PPP2R1B: variants seen among roughly 807,000 people sequenced by gnomAD.
The protein encoded by PPP2R1B is protein phosphatase 2 scaffold subunit Abeta.
PPP2R1B carries 58 observed loss-of-function variants against 72.7 expected under a neutral mutation model. That is an observed-to-expected ratio of 0.80 (90% CI 0.65 to 0.99). The LOEUF (loss-of-function observed/expected upper bound fraction) is 0.99. Among genes scored for constraint, PPP2R1B ranks in the 50% least tolerant of loss-of-function variants. PPP2R1B has a pLI of 0.00. For synonymous variants in PPP2R1B, 256 were observed against 264.6 expected (o/e 0.97, Z 0.32); for missense variants, 695 against 733.6 (o/e 0.95, Z 0.61).
chr11:111,758,774 A>G (rs1412588475), intron 5 of PPP2R1B, among the ~76,000 whole-genome samples: 1 of 152,180 alleles, frequency 6.6e-6, no homozygotes, highest in African/African-American at 2.4e-5. Flanking sequence ...GTCTCCTATC[A>G]TAGGTGATCG....
downstream of PPP2R1B, chr11:111,725,728 T>C (rs1943944286): frequency 6.6e-6 from 1 of 152,610 alleles, no homozygotes; most frequent in Non-Finnish European, 1.5e-5. Context: ...GCAGGTGACG[T>C]GTGGAAAGTC....
the PPP2R1B span, among the ~76,000 whole-genome samples, chr11:111,716,394 TG>T: frequency 6.7e-6 from 1 of 149,716 alleles, no homozygotes; most frequent in Admixed American, 6.7e-5. Flanking sequence ...CTGGCCAACA[TG>T]GCAAAACCCC....
intron 10 of PPP2R1B, among the ~76,000 whole-genome samples, chr11:111,750,890 G>C (rs1279836772): frequency 6.6e-6 from 1 of 151,342 alleles, no homozygotes; most frequent in African/African-American, 2.4e-5. Context: ...CCAGGCTGCA[G>C]TGCAGTAGTG....
intron 2 of PPP2R1B, 41 bp downstream of exon 2, chr11:111,765,253 A>G (rs782769074): frequency 2.4e-5 from 37 of 1,541,202 alleles, no homozygotes; most frequent in Non-Finnish European, 2.8e-5. Flanking sequence ...CTACTGGAAA[A>G]TGGAATGTCC....
downstream of PPP2R1B, chr11:111,737,314 G>A (rs1378332185): frequency 4.5e-6 from 6 of 1,328,846 alleles, no homozygotes; most frequent in African/African-American, 8.8e-5. Context: ...CCTTAAAATT[G>A]GACTCTTCCC....
the PPP2R1B span, chr11:111,700,932 A>G: frequency 2.5e-6 from 4 of 1,614,080 alleles, no homozygotes; most frequent in African/African-American, 1.3e-5. Flanking sequence ...TGCTGGCAAC[A>G]TGGTGTGGCA....
chr11:111,740,571 A>C lies in PPP2R1B; in HGVS notation c.*1025T>G. 1 of 984,604 alleles carries C rather than the reference A, an allele frequency of 1.0e-6. No individual in the cohort carries two copies. 61.0% of individuals were successfully genotyped at this position (984,604 alleles called of 1,614,324 possible). ...CTCTTCAGCTTAACTCATTATCTTA[A>C]ATTTCAGAATTAATGAGGTTTTACT... On this transcript the variant is annotated 3_prime_UTR_variant, in exon 15 of 15. Transcript: ENST00000527614.
chr11:111,719,134 T>C, the PPP2R1B span, among the ~76,000 whole-genome samples: 1 of 152,252 alleles, frequency 6.6e-6, no homozygotes, highest in Admixed American at 6.5e-5. Context: ...TTTGTTATTC[T>C]ACAATGGGAG....
Position 111,742,503 on chromosome 11 carries a change from A to G in PPP2R1B, c.1697+20T>C. On this transcript the variant is annotated intron_variant, in intron 13 of 14. Coordinates refer to ENST00000527614, the MANE Select transcript of PPP2R1B (RefSeq NM_002716.5). ...ATTTAAAGTACACTTTTAAAACAAG[A>G]CTAAACACTAAAATCTTACTTGGTA... 1 of 1,608,184 alleles carries G rather than the reference A, an allele frequency of 6.2e-7. No individual in the cohort carries two copies. Among genetic ancestry groups the G allele is most frequent in the Non-Finnish European group, 8.5e-7 (1 of 1,176,928 alleles).
intron 3 of PPP2R1B, 111 bp downstream of exon 3, chr11:111,764,694 G>T: frequency 9.7e-7 from 1 of 1,025,774 alleles, no homozygotes; most frequent in Non-Finnish European, 1.4e-6. Context: ...ATGACTATCT[G>T]CCCATAAAAA....
At chr11:111,748,050 C>G (rs374015010) in intron 10 of PPP2R1B, 36 bp from the exon 11 acceptor site, 1 of 1,577,998 alleles carries the variant, frequency 6.3e-7, no homozygotes, top group African/African-American at 1.4e-5. Flanking sequence ...CATACATTGC[C>G]AAAATTCAGA....
the PPP2R1B span, among the ~76,000 whole-genome samples, chr11:111,704,711 C>T: frequency 6.6e-6 from 1 of 152,068 alleles, no homozygotes; most frequent in African/African-American, 2.4e-5. Context: ...ACAATGATGG[C>T]ATTTTCTCTG....
chr11:111,752,383 C>T (rs782276837), intron 9 of PPP2R1B, 51 bp from the exon 10 acceptor site: 4 of 1,509,328 alleles, frequency 2.7e-6, no homozygotes, highest in Non-Finnish European at 3.6e-6. Context: ...AAGTACTCTG[C>T]CCAACAGTCT....
intron 10 of PPP2R1B, 82 bp from the exon 11 acceptor site, chr11:111,748,096 C>T (rs1944769405): frequency 8.5e-6 from 11 of 1,291,592 alleles, no homozygotes; most frequent in Non-Finnish European, 1.2e-5. Flanking sequence ...ACCAAGGTTA[C>T]CTGAAGGCTA....
Position 111,738,344 on chromosome 11 carries a change from C to T in PPP2R1B, c.*3252G>A. On this transcript the variant is annotated 3_prime_UTR_variant, in exon 15 of 15. Transcript: ENST00000527614. Reference sequence around the variant, plus strand: ...GCAAGAGGACAGAACAAGCACCTGACCTGTTTGGCCACCCTGCCCTGCCAT... The same window carrying T: ...GCAAGAGGACAGAACAAGCACCTGATCTGTTTGGCCACCCTGCCCTGCCAT... 1.0e-6 allele frequency: 1 copy of T among 985,546 alleles called. No homozygotes were observed. 61.1% of individuals were successfully genotyped at this position (985,546 alleles called of 1,614,324 possible).
intron 10 of PPP2R1B, among the ~76,000 whole-genome samples, chr11:111,748,432 G>A (rs918499352): frequency 6.6e-6 from 1 of 152,218 alleles, no homozygotes; most frequent in Non-Finnish European, 1.5e-5. Context: ...AATCCTTAAG[G>A]ATAAAGCAAC....
At chr11:111,728,727 G>A (rs1029696349) in intron 15 of PPP2R1B, 2 of 152,202 alleles carry the variant, frequency 1.3e-5, no homozygotes, top group Non-Finnish European at 2.9e-5. Flanking sequence ...AGGAGATTGA[G>A]ACCATCCTAA....
the PPP2R1B span, among the ~76,000 whole-genome samples, chr11:111,692,446 A>T: frequency 6.7e-6 from 1 of 149,108 alleles, no homozygotes; most frequent in African/African-American, 2.5e-5. Flanking sequence ...TATCTGCCTC[A>T]AGCAGATGGA....
rs1227811337 is a variant in PPP2R1B at position 111,740,146 on chromosome 11, G to C, written c.*1450C>G. The C allele has an allele frequency of 3.0e-6, 3 of 985,094 alleles. No individual in the cohort carries two copies. Among genetic ancestry groups the C allele is most frequent in the Admixed American group, 6.2e-5 (1 of 16,254 alleles). 61.0% of individuals were successfully genotyped at this position (985,094 alleles called of 1,614,324 possible). On this transcript the variant is annotated 3_prime_UTR_variant, in exon 15 of 15. Coordinates refer to ENST00000527614, the MANE Select transcript of PPP2R1B (RefSeq NM_002716.5). Reference sequence around the variant, plus strand: ...AGCAAACCTCATAGCAAGATGCACTGAGAGAAAAATAAACTATGGGAAAAC... The same window carrying C: ...AGCAAACCTCATAGCAAGATGCACTCAGAGAAAAATAAACTATGGGAAAAC...
Sources: allele counts gnomAD v4.1 joint callset (sites outside exome capture counted in the v4.1 genomes callset), GRCh38; gene constraint gnomAD v4.1.1; transcripts MANE v1.5; gene names NCBI Gene and HGNC (gene_info 2026-07-23, HGNC 2026-07-21).